The following SEMA3E variants were observed in gnomAD, a reference collection of about 807,000 sequenced individuals.
SEMA3E encodes the protein semaphorin-3E.
In SEMA3E, 49 loss-of-function variants were observed where a neutral mutation model predicts 93.6. That is an observed-to-expected ratio of 0.52 (90% CI 0.42 to 0.66). The LOEUF is 0.66. SEMA3E is among the 30% of genes least tolerant of loss of function. The pLI, the probability that SEMA3E is intolerant of heterozygous loss-of-function variation, is 0.00. For synonymous variants in SEMA3E, 363 were observed against 330.7 expected (o/e 1.10, Z -1.06); for missense variants, 906 against 964.8 (o/e 0.94, Z 0.81).
intron 1 of SEMA3E, among the ~76,000 whole-genome samples, chr7:83,494,910 T>C (rs1205531271): frequency 6.6e-6 from 1 of 151,974 alleles, no homozygotes; most frequent in Non-Finnish European, 1.5e-5. Flanking sequence ...AGATTGAATG[T>C]GTTGTGAACA....
In SEMA3E at chr7:83,405,388, G is replaced by T. The variant is rs377690088; in HGVS notation, c.998+62C>A. 8 of 1,170,014 alleles carry T rather than the reference G, an allele frequency of 6.8e-6. No homozygotes were observed. The African/African-American group carries it at 1.0e-4, about 15-fold the overall frequency. 72.5% of individuals were successfully genotyped at this position (1,170,014 alleles called of 1,614,324 possible). On this transcript the variant is annotated intron_variant, in intron 9 of 16. Coordinates refer to ENST00000643230, the MANE Select transcript of SEMA3E (RefSeq NM_012431.3). ...CTTTCAACTTATATACACCATGAAG[G>T]GAGAGTCCGGTGAGGCATCTCTTGT...
At chr7:83,398,719 G>A (rs570398625) in intron 11 of SEMA3E, among the ~76,000 whole-genome samples, 1,595 of 152,206 alleles carry the variant, frequency 0.01, 24 homozygotes, top group Non-Finnish European at 0.015. Flanking sequence ...TGAGGCAGGT[G>A]GATCACCTGA....
chr7:83,396,598 G>C (rs372866087), intron 12 of SEMA3E, 40 bp downstream of exon 12: 28 of 1,193,442 alleles, frequency 2.3e-5, no homozygotes, highest in Middle Eastern at 3.9e-4. Context: ...ACTTGTAGTT[G>C]TAATGCATAA....
At chr7:83,495,419 A>G (rs1790471486) in intron 1 of SEMA3E, among the ~76,000 whole-genome samples, 1 of 151,856 alleles carries the variant, frequency 6.6e-6, no homozygotes, top group African/African-American at 2.4e-5. Context: ...CATCCATAAG[A>G]AATTCATAGA....
At chr7:83,442,680 T>C (rs1276703648) in intron 4 of SEMA3E, among the ~76,000 whole-genome samples, 1 of 152,130 alleles carries the variant, frequency 6.6e-6, no homozygotes, top group East Asian at 1.9e-4. Flanking sequence ...TTGTTTTTTA[T>C]AGCCTTTTTC....
chr7:83,467,453 C>G (rs1369815085), intron 3 of SEMA3E, among the ~76,000 whole-genome samples: 2 of 152,078 alleles, frequency 1.3e-5, no homozygotes, highest in Non-Finnish European at 2.9e-5. Flanking sequence ...GAAAACTAAC[C>G]AACAAAAATA....
intron 1 of SEMA3E, among the ~76,000 whole-genome samples, chr7:83,628,378 T>C (rs796327314): frequency 3.9e-5 from 6 of 152,266 alleles, no homozygotes; most frequent in African/African-American, 1.2e-4. Context: ...TATCCTGATG[T>C]GTGTTTTCCA....
chr7:83,604,528 A>G (rs145438783), intron 1 of SEMA3E, among the ~76,000 whole-genome samples: 1 of 145,970 alleles, frequency 6.9e-6, no homozygotes, highest in East Asian at 2.0e-4. Flanking sequence ...ATACATATAT[A>G]TGTATATATA....
At chr7:83,583,554 T>A (rs1372558809) in intron 1 of SEMA3E, among the ~76,000 whole-genome samples, 1 of 152,150 alleles carries the variant, frequency 6.6e-6, no homozygotes, top group East Asian at 1.9e-4. Flanking sequence ...CTTCCCCATA[T>A]TTATTTGGCT....
intron 4 of SEMA3E, among the ~76,000 whole-genome samples, chr7:83,459,947 C>G (rs1040250120): frequency 6.6e-6 from 1 of 152,134 alleles, no homozygotes; most frequent in African/African-American, 2.4e-5. Context: ...AGAACAAACC[C>G]CTTTTGACTG....
At chr7:83,646,968 G>A in intron 1 of SEMA3E, among the ~76,000 whole-genome samples, 1 of 151,522 alleles carries the variant, frequency 6.6e-6, no homozygotes, top group Admixed American at 6.6e-5. Context: ...ATATTTTTTT[G>A]CATTTTTATT....
At chr7:83,517,747 G>A (rs1040857567) in intron 1 of SEMA3E, among the ~76,000 whole-genome samples, 1 of 152,148 alleles carries the variant, frequency 6.6e-6, no homozygotes, top group Non-Finnish European at 1.5e-5. Flanking sequence ...AGTACCTCCA[G>A]AGATCAAACT....
rs374380162 is a variant in SEMA3E, at chr7:83,520,941, C to A, written c.116-30667G>T. Among the ~76,000 whole-genome samples the A allele has an allele frequency of 4.3e-3, 658 of 152,294 alleles. 5 individuals carry two copies. The highest frequency in any genetic ancestry group is 0.015 in the African/African-American group (615 of 41,566). ...CCTTGGCTCTGTTTACTTCTCTACA[C>A]GTATGGGGCATTAGGTTGTGGGGTG... On this transcript the variant is annotated intron_variant, in intron 1 of 16. Transcript: ENST00000643230.
At chr7:83,497,094 G>C (rs1020250995) in intron 1 of SEMA3E, among the ~76,000 whole-genome samples, 2 of 152,072 alleles carry the variant, frequency 1.3e-5, no homozygotes, top group Non-Finnish European at 2.9e-5. Context: ...CTGCATGCTA[G>C]TTATCAGCTG....
At position 83,496,511 on chromosome 7, in the gene SEMA3E, T is replaced by C. The variant is rs77179937; in HGVS notation, c.116-6237A>G. On this transcript the variant is annotated intron_variant, in intron 1 of 16. Coordinates refer to ENST00000643230, the MANE Select transcript of SEMA3E (RefSeq NM_012431.3). ...AAACTATCCGAAATAATTACAAATT[T>C]TTTTTGCTTTGACTTATTGATTCAT... Among the ~76,000 whole-genome samples the C allele has an allele frequency of 1.8e-4, 27 of 152,198 alleles. No individual in the cohort carries two copies. In the East Asian group the frequency reaches 5.2e-3, roughly 29 times the overall value.
intron 1 of SEMA3E, among the ~76,000 whole-genome samples, chr7:83,593,260 G>GTCTCTCTCTCTGTCTCTCTCTCTCTC (rs1792791051): frequency 3.1e-5 from 3 of 96,336 alleles, no homozygotes; most frequent in African/African-American, 1.4e-4. Flanking sequence ...CTCTCTCTCT[G>GTCTCTCTCTCTGTCTCTCTCTCTCTC]TCTCTCTCTC....
intron 1 of SEMA3E, among the ~76,000 whole-genome samples, chr7:83,523,368 G>A (rs968565317): frequency 3.3e-5 from 5 of 152,016 alleles, no homozygotes; most frequent in African/African-American, 1.2e-4. Flanking sequence ...TCAGGAAAGA[G>A]GTCAGGGGAT....
At chr7:83,459,718 C>T (rs866312886) in intron 4 of SEMA3E, among the ~76,000 whole-genome samples, 4 of 152,242 alleles carry the variant, frequency 2.6e-5, no homozygotes, top group African/African-American at 7.2e-5. Flanking sequence ...GTGACTTGCA[C>T]GTATTCGCCC....
intron 1 of SEMA3E, among the ~76,000 whole-genome samples, chr7:83,611,392 A>ATATATATAAATTTATATAT: frequency 7.1e-6 from 1 of 140,436 alleles, no homozygotes; most frequent in African/African-American, 2.7e-5. Context: ...TTTATATATT[A>ATATATATAAATTTATATAT]TATATATATA....
Sources: allele counts gnomAD v4.1 joint callset (sites outside exome capture counted in the v4.1 genomes callset), GRCh38; gene constraint gnomAD v4.1.1; transcripts MANE v1.5; gene names NCBI Gene and HGNC (gene_info 2026-07-23, HGNC 2026-07-21).